ADGRF5: variants seen among roughly 807,000 people sequenced by gnomAD.
ADGRF5 encodes adhesion G protein-coupled receptor F5.
Under a neutral mutation model 132.3 loss-of-function variants are expected in ADGRF5, and 75 were observed. The ratio of observed to expected loss-of-function variants is 0.57; its 90% CI spans 0.47 to 0.69. ADGRF5 has a LOEUF of 0.69. Ranked by LOEUF, ADGRF5 falls within the 30% of genes least tolerant of loss-of-function variation. The pLI is 0.00. For synonymous variants in ADGRF5, 629 were observed against 597.6 expected, an observed-to-expected ratio of 1.05 and a Z score of -0.77; for missense variants, 1,516 against 1,630.6, an observed-to-expected ratio of 0.93 and a Z score of 1.21.
In ADGRF5 at chr6:46,871,881, C is replaced by T; in HGVS notation, c.1373G>A (p.Arg458Lys). The T allele has an allele frequency of 6.2e-7, 1 of 1,609,940 alleles. No individual in the cohort carries two copies. Among genetic ancestry groups the T allele is most frequent in the Non-Finnish European group, 8.5e-7 (1 of 1,176,792 alleles). ...TCEFISAYGA[R>K]GSANIKVTFI... The stretch of plus-strand genomic sequence containing the variant: ...TGTCACTTTTATGTTTGCACTGCCT[C>T]TGGCTCCATAGGCACTGATGAACTC... The change falls in exon 11 of 21, where the codon AGA (arginine) becomes AAA (lysine). Residue 458 changes from arginine to lysine, a missense_variant. Around this residue, in one of 2 missense-constraint regions of ADGRF5, gnomAD observed 945 missense variants for 929.4 expected, o/e 1.02. Coordinates refer to ENST00000283296, the MANE Select transcript of ADGRF5 (RefSeq NM_001098518.2).
In ADGRF5 at chr6:46,858,703, C is replaced by T; in HGVS notation, c.3200G>A (p.Trp1067Ter). 1 of 1,614,090 alleles carries T rather than the reference C, an allele frequency of 6.2e-7. No individual in the cohort carries two copies. The highest frequency in any genetic ancestry group is 8.5e-7 in the Non-Finnish European group (1 of 1,180,006). ...IAASLLVANT[W>*]FIVVAAIQDN... ...CTGGATGGCAGCGACCACAATGAAC[C>T]AGGTGTTGGCGACCAGAAGGGAGGC... Residue 1067 changes from tryptophan (W) to a stop codon, truncating the protein, a stop_gained, in exon 17 of 21, where the codon TGG (tryptophan) becomes TAG (stop). Coordinates refer to ENST00000283296, the MANE Select transcript of ADGRF5 (RefSeq NM_001098518.2). LOFTEE classifies it high-confidence loss of function.
rs1477290465 is a variant in ADGRF5 at position 46,951,082 on chromosome 6, T to G, written c.-25+3652A>C. ...GTGGCAGGCCACTGGAAACCTCTCATGCAGGTTAATATCCCTTTTGTTATT... is the reference window on the plus strand; with the variant it reads ...GTGGCAGGCCACTGGAAACCTCTCAGGCAGGTTAATATCCCTTTTGTTATT... On this transcript the variant is annotated intron_variant, in intron 1 of 20. Transcript: ENST00000265417. 2.6e-5 allele frequency among the ~76,000 whole-genome samples: 4 copies of G among 152,252 alleles called. No individual in the cohort carries two copies. In the East Asian group the frequency reaches 7.7e-4, roughly 29 times the overall value.
chr6:46,864,109 T>C (rs114896780), intron 14 of ADGRF5, among the ~76,000 whole-genome samples: 1 of 152,244 alleles, frequency 6.6e-6, no homozygotes. Context: ...GAGTTGCTTA[T>C]GGTAGAAGCC....
intron 20 of ADGRF5, among the ~76,000 whole-genome samples, chr6:46,855,373 A>G (rs1768927207): frequency 6.6e-6 from 1 of 152,216 alleles, no homozygotes; most frequent in Non-Finnish European, 1.5e-5. Flanking sequence ...TTACAACTCT[A>G]TGAAGTCATA....
intron 1 of ADGRF5, among the ~76,000 whole-genome samples, chr6:46,918,679 G>C (rs1027882068): frequency 2.0e-5 from 3 of 152,242 alleles, no homozygotes; most frequent in Non-Finnish European, 4.4e-5. Context: ...CAGTGGGGTT[G>C]TTCCAATTAA....
Position 46,859,364 on chromosome 6 carries a change from A to C in ADGRF5, c.2539T>G (p.Ser847Ala). The C allele has an allele frequency of 1.9e-6, 3 of 1,613,876 alleles. No individual in the cohort carries two copies. The highest frequency in any genetic ancestry group is 2.5e-6 in the Non-Finnish European group (3 of 1,179,796). ...CTGCTCATCTGCACATTAGTTTGGG[A>C]GAAGGACAAAGGAGGGCTATCTCCC... The part of the protein sequence containing the change: ...QSGDSPPLSF[S>A]QTNVQMSSMV... Residue 847 changes from serine (S) to alanine (A), a missense_variant, in exon 17 of 21, where the codon TCC becomes GCC. Around this residue, in one of 2 missense-constraint regions of ADGRF5, gnomAD observed 571 missense variants for 701.2 expected, o/e 0.81. Transcript: ENST00000283296.
intron 1 of ADGRF5, among the ~76,000 whole-genome samples, chr6:46,930,578 C>A (rs1340573027): frequency 6.6e-6 from 1 of 152,132 alleles, no homozygotes; most frequent in African/African-American, 2.4e-5. Flanking sequence ...GGCTGGCATG[C>A]AGCTTGCATG....
intron 2 of ADGRF5, among the ~76,000 whole-genome samples, chr6:46,904,389 C>T (rs1413620614): frequency 1.3e-5 from 2 of 152,210 alleles, no homozygotes; most frequent in Non-Finnish European, 2.9e-5. Context: ...AGTGCTGACA[C>T]AGGCTACAAC....
chr6:46,922,267 A>T (rs770335480), upstream of ADGRF5, among the ~76,000 whole-genome samples: 1 of 152,202 alleles, frequency 6.6e-6, no homozygotes, highest in Non-Finnish European at 1.5e-5. Flanking sequence ...AATTAAGACT[A>T]TCGATGAATT....
chr6:46,918,402 C>T (rs911949441), intron 1 of ADGRF5, among the ~76,000 whole-genome samples: 1 of 152,058 alleles, frequency 6.6e-6, no homozygotes, highest in African/African-American at 2.4e-5. Context: ...TGTAGGGAAA[C>T]GTTATAATTA....
chr6:46,869,204 A>AG (rs1360392927), intron 11 of ADGRF5, 112 bp from the exon 12 acceptor site: 1 of 1,514,466 alleles, frequency 6.6e-7, no homozygotes, highest in Non-Finnish European at 8.8e-7. Flanking sequence ...GAAAAAAAAA[A>AG]TGAACCATCC....
intron 1 of ADGRF5, among the ~76,000 whole-genome samples, chr6:46,910,606 G>A (rs1775850165): frequency 6.6e-6 from 1 of 152,236 alleles, no homozygotes; most frequent in African/African-American, 2.4e-5. Context: ...ACAGCTGATA[G>A]ACGGTAGTGG....
chr6:46,941,423 AAAGAAAAGAAAAG>A lies in ADGRF5; in HGVS notation c.-25+13298_-25+13310del, dbSNP rs1328967479. ...AAAGAAAAGAAAAGAAAAGAAAAGAAAAGAAAAGAAAAGAAAAGAAAAGAAAAGAAAAGAAAAG... is the reference window on the plus strand; with the variant it reads ...AAAGAAAAGAAAAGAAAAGAAAAGAAAAAAGAAAAGAAAAGAAAAGAAAAG... On this transcript the variant is annotated intron_variant, in intron 1 of 20. Transcript: ENST00000265417. 4.5e-4 allele frequency among the ~76,000 whole-genome samples: 26 copies of A among 57,500 alleles called. 1 individual carries two copies. The highest frequency in any genetic ancestry group is 2.2e-3 in the Admixed American group (14 of 6,250). The allele number at this position is 57,500 out of a possible 152,430, so 37.7% of individuals were successfully genotyped here.
In ADGRF5 at chr6:46,888,374, C is replaced by T; in HGVS notation, c.289G>A (p.Asp97Asn). Residue 97 changes from aspartate (D) to asparagine (N), a missense_variant, in exon 4 of 21, where the codon GAC (aspartate) becomes AAC (asparagine). Around this residue, in one of 2 missense-constraint regions of ADGRF5, gnomAD observed 945 missense variants for 929.4 expected, o/e 1.02. Coordinates refer to ENST00000283296, the MANE Select transcript of ADGRF5 (RefSeq NM_001098518.2). ...ATGCTCAAAATGTCGGTAATTTGGT[C>T]AGTGTTATTCCCATGAATTGGAAAA... ...LSFPIHGNNT[D>N]QITDILSINV... The T allele has an allele frequency of 6.2e-7, 1 of 1,611,672 alleles. No individual in the cohort carries two copies. The highest frequency in any genetic ancestry group is 8.5e-7 in the Non-Finnish European group (1 of 1,177,886).
intron 1 of ADGRF5, among the ~76,000 whole-genome samples, chr6:46,948,156 C>T (rs1047328994): frequency 6.6e-6 from 1 of 152,104 alleles, no homozygotes; most frequent in African/African-American, 2.4e-5. Context: ...GTAAAGTGTG[C>T]CAATTAAGTA....
upstream of ADGRF5, among the ~76,000 whole-genome samples, chr6:46,924,231 G>C (rs1487379225): frequency 2.0e-5 from 3 of 152,030 alleles, no homozygotes; most frequent in Non-Finnish European, 4.4e-5. Context: ...ATTTCTCCCA[G>C]CCTGAGCCAA....
At chr6:46,856,102 G>A (rs780167954) in intron 19 of ADGRF5, 44 bp from the exon 20 acceptor site, 16 of 1,103,298 alleles carry the variant, frequency 1.5e-5, no homozygotes, top group Middle Eastern at 2.9e-4. Flanking sequence ...CAAATTTGTG[G>A]GACCAAAGCT....
chr6:46,891,665 C>A (rs1316654801), intron 3 of ADGRF5, among the ~76,000 whole-genome samples: 1 of 152,204 alleles, frequency 6.6e-6, no homozygotes, highest in Non-Finnish European at 1.5e-5. Context: ...CCCCTGTGCT[C>A]TTTTCAGTCA....
intron 9 of ADGRF5, 39 bp from the exon 10 acceptor site, chr6:46,878,444 A>ATGATTT: frequency 1.6e-6 from 2 of 1,215,068 alleles, no homozygotes; most frequent in Non-Finnish European, 2.4e-6. Flanking sequence ...ATTATAACAC[A>ATGATTT]TGTGTATTTT....
Sources: allele counts gnomAD v4.1 joint callset (sites outside exome capture counted in the v4.1 genomes callset), GRCh38; gene constraint gnomAD v4.1.1; regional missense constraint gnomAD v4.1.1; transcripts MANE v1.5; gene names NCBI Gene and HGNC (gene_info 2026-07-23, HGNC 2026-07-21).